The following MYH11 variants were observed in gnomAD, a reference collection of about 807,000 sequenced individuals.
The protein encoded by MYH11 is myosin heavy chain 11.
In MYH11, 80 loss-of-function variants were observed where a neutral mutation model predicts 246.6. That is an observed-to-expected ratio of 0.32 (90% CI 0.27 to 0.39). MYH11 has a LOEUF of 0.39. Among genes scored for constraint, MYH11 ranks in the 10% least tolerant of loss-of-function variants. MYH11 has a pLI of 1.00. For synonymous variants in MYH11, 1,071 were observed against 1,015.5 expected (o/e 1.05, Z -1.04); for missense variants, 2,158 against 2,546.8 (o/e 0.85, Z 3.29).
At chr16:15,763,760 C>CCCCCACA in intron 10 of MYH11, 36 bp downstream of exon 10, 4 of 1,192,076 alleles carry the variant, frequency 3.4e-6, no homozygotes, top group African/African-American at 1.5e-5. Flanking sequence ...CCCCCAACCC[C>CCCCCACA]AAAGTCATTG....
At chr16:15,724,864 T>A (rs2040671865) in intron 29 of MYH11, 24 bp downstream of exon 29, 1 of 1,613,726 alleles carries the variant, frequency 6.2e-7, no homozygotes, top group African/African-American at 1.3e-5. Flanking sequence ...CCAGGTCCCC[T>A]GGATGATGTG....
At chr16:15,802,259 T>A (rs1044541722) in intron 3 of MYH11, among the ~76,000 whole-genome samples, 2 of 152,340 alleles carry the variant, frequency 1.3e-5, no homozygotes, top group Non-Finnish European at 2.9e-5. Flanking sequence ...AGGCGTATGC[T>A]GAACTTCTGT....
intron 10 of MYH11, among the ~76,000 whole-genome samples, chr16:15,763,319 G>T (rs1218463328): frequency 1.3e-5 from 2 of 151,540 alleles, no homozygotes; most frequent in Non-Finnish European, 3.0e-5. Flanking sequence ...TATTGCAGGG[G>T]CTTGAGAAAT....
chr16:15,763,738 A>AGCTGGGGGGGGGCCCCCCCC, intron 10 of MYH11, 58 bp downstream of exon 10: 1 of 717,694 alleles, frequency 1.4e-6, no homozygotes. Context: ...GTTAAATGTC[A>AGCTGGGGGGGGGCCCCCCCC]CCTCCCCCAC....
At chr16:15,821,472 A>G (rs999944130) in intron 3 of MYH11, among the ~76,000 whole-genome samples, 1 of 152,228 alleles carries the variant, frequency 6.6e-6, no homozygotes, top group Non-Finnish European at 1.5e-5. Flanking sequence ...ATACAATATT[A>G]AAGACTTTTT....
At chr16:15,746,049 T>TG (rs573883841) in intron 19 of MYH11, among the ~76,000 whole-genome samples, 363 of 152,056 alleles carry the variant, frequency 2.4e-3, no homozygotes, top group Admixed American at 3.9e-3. Flanking sequence ...CCCAAGTAGT[T>TG]GGGACTACGG....
chr16:15,729,606 A>G (rs2040901018), intron 27 of MYH11, among the ~76,000 whole-genome samples: 1 of 149,758 alleles, frequency 6.7e-6, no homozygotes, highest in East Asian at 2.0e-4. Flanking sequence ...GCTGGGGTGC[A>G]GTGGCACAAT....
At chr16:15,798,624 CAAA>C in intron 4 of MYH11, 33 bp downstream of exon 4, 2 of 870,260 alleles carry the variant, frequency 2.3e-6, no homozygotes, top group South Asian at 4.4e-5. Context: ...AAAAAAAAAA[CAAA>C]AAAAAAACAG....
chr16:15,845,776 G>A (rs1011746218), intron 1 of MYH11, among the ~76,000 whole-genome samples: 3 of 151,978 alleles, frequency 2.0e-5, no homozygotes, highest in African/African-American at 2.4e-5. Context: ...AGAAATGGGA[G>A]GGTGTGAAGA....
intron 1 of MYH11, among the ~76,000 whole-genome samples, chr16:15,856,219 GTT>G (rs34789214): frequency 3.1e-5 from 3 of 97,010 alleles, no homozygotes; most frequent in African/African-American, 3.0e-5. Context: ...TGGGTGAGTT[GTT>G]TTTTTTTTTT....
At chr16:15,717,498 C>CTT (rs2040224958) in intron 37 of MYH11, 150 bp from the exon 38 acceptor site, 1 of 769,774 alleles carries the variant, frequency 1.3e-6, no homozygotes, top group Admixed American at 2.5e-5. Context: ...AAACTCCACT[C>CTT]AAGAGCTTCT....
intron 9 of MYH11, 66 bp downstream of exon 9, chr16:15,771,503 G>C: frequency 1.3e-6 from 2 of 1,536,732 alleles, no homozygotes; most frequent in East Asian, 2.3e-5. Context: ...GACCAGAGAA[G>C]AGTTCTTAAC....
chr16:15,789,025 G>C (rs1341730764), intron 4 of MYH11, among the ~76,000 whole-genome samples: 1 of 152,052 alleles, frequency 6.6e-6, no homozygotes, highest in Non-Finnish European at 1.5e-5. Context: ...GATATAGGGG[G>C]AAGGGTCCCT....
rs117269781 is a variant in MYH11 at position 15,800,107 on chromosome 16, G to T, written c.503-1420C>A. On this transcript the variant is annotated intron_variant, in intron 3 of 40. Transcript: ENST00000300036. ...AGGTGAGTAGGTGGGTGGGTGGATGGGCAGATGGGTGGGAAAATGGATGGA... is the reference window on the plus strand; with the variant it reads ...AGGTGAGTAGGTGGGTGGGTGGATGTGCAGATGGGTGGGAAAATGGATGGA... Among the ~76,000 whole-genome samples, 1,073 of 151,782 alleles carry T rather than the reference G, an allele frequency of 7.1e-3. 1 individual carries two copies. The highest frequency in any genetic ancestry group is 0.011 in the Non-Finnish European group (733 of 67,880).
intron 27 of MYH11, among the ~76,000 whole-genome samples, chr16:15,728,556 T>C (rs920010690): frequency 6.6e-6 from 1 of 152,038 alleles, no homozygotes; most frequent in African/African-American, 2.4e-5. Flanking sequence ...GGGAAACTTA[T>C]TTTATGGAAC....
At chr16:15,794,673 GA>G (rs756911684) in intron 4 of MYH11, among the ~76,000 whole-genome samples, 7 of 152,212 alleles carry the variant, frequency 4.6e-5, no homozygotes, top group Admixed American at 2.0e-4. Context: ...GAAGGGAGGA[GA>G]GGGGAGGCTG....
chr16:15,782,575 C>T, intron 5 of MYH11, 98 bp from the exon 6 acceptor site: 1 of 889,388 alleles, frequency 1.1e-6, no homozygotes, highest in African/African-American at 1.6e-5. Context: ...CCTTAACCCA[C>T]AGGTTCTCTC....
In MYH11 at chr16:15,791,707, TC is replaced by T. The variant is rs1174599150; in HGVS notation, c.531-4976del. Reference sequence around the variant, plus strand: ...TTTTTTTTTTGAGACAAGATCTCACTCTGTGGCCCAGGCTGGAGTGCAGTGA... The same window carrying T: ...TTTTTTTTTTGAGACAAGATCTCACTTGTGGCCCAGGCTGGAGTGCAGTGA... On this transcript the variant is annotated intron_variant, in intron 4 of 40. Transcript: ENST00000300036. 6 of 142,520 alleles carry T rather than the reference TC, an allele frequency of 4.2e-5. No individual in the cohort carries two copies. In the South Asian group the frequency reaches 6.7e-4, roughly 16 times the overall value. The allele number at this position is 142,520 out of a possible 1,614,324, so 8.8% of individuals were successfully genotyped here.
At chr16:15,855,525 T>C (rs934415991) in intron 1 of MYH11, among the ~76,000 whole-genome samples, 1 of 152,160 alleles carries the variant, frequency 6.6e-6, no homozygotes. Context: ...ACACTTTACC[T>C]CTCTGAGCCT....
Sources: allele counts gnomAD v4.1 joint callset (sites outside exome capture counted in the v4.1 genomes callset), GRCh38; gene constraint gnomAD v4.1.1; transcripts MANE v1.5; gene names NCBI Gene and HGNC (gene_info 2026-07-23, HGNC 2026-07-21).